The following YEATS2 variants were observed in gnomAD, a reference collection of about 807,000 sequenced individuals.
The protein encoded by YEATS2 is YEATS domain containing 2.
In YEATS2, 77 loss-of-function variants were observed where a neutral mutation model predicts 163.2. The observed-to-expected ratio is 0.47, with a 90% CI of 0.39 to 0.57. The LOEUF is 0.57. Ranked by LOEUF, YEATS2 falls within the 20% of genes least tolerant of loss-of-function variation. YEATS2 has a pLI of 0.00. For synonymous variants in YEATS2, 631 were observed against 645.1 expected, an observed-to-expected ratio of 0.98 and a Z score of 0.33; for missense variants, 1,549 against 1,729.8, an observed-to-expected ratio of 0.90 and a Z score of 1.85.
rs1722577448 is a variant in YEATS2 at position 183,772,505 on chromosome 3, C to T, written c.2148C>T (p.Thr716=). ...GGTIVAQPVQ[T]LTKAQVTAAG... ...CCATTGTTGCTCAGCCAGTGCAGAC[C>T]TTAACCAAGGCCCAGGTTACTGCCG... Residue 716 remains threonine (T), a synonymous_variant, in exon 16 of 31, where the codon ACC becomes ACT. Coordinates refer to ENST00000305135, the MANE Select transcript of YEATS2 (RefSeq NM_018023.5). 6.2e-7 allele frequency: 1 copy of T among 1,614,142 alleles called. No homozygotes were observed.
intron 19 of YEATS2, among the ~76,000 whole-genome samples, chr3:183,780,229 G>A (rs925275703): frequency 4.6e-5 from 7 of 152,100 alleles, no homozygotes; most frequent in Non-Finnish European, 8.8e-5. Context: ...CACCAACACA[G>A]CAAGCACCAC....
chr3:183,789,798 C>T (rs1215140806), intron 20 of YEATS2, among the ~76,000 whole-genome samples: 2 of 152,116 alleles, frequency 1.3e-5, no homozygotes, highest in East Asian at 3.9e-4. Context: ...TTTGGCCTCC[C>T]AAAGTGCTGG....
intron 1 of YEATS2, among the ~76,000 whole-genome samples, chr3:183,712,214 T>TTTATGTTATTTTATG (rs1715314174): frequency 1.9e-5 from 2 of 103,082 alleles, no homozygotes; most frequent in Admixed American, 1.2e-4. Flanking sequence ...TTTATTTTAT[T>TTTATGTTATTTTATG]TTATTTTATT....
At chr3:183,768,103 A>G (rs1290405951) in intron 15 of YEATS2, among the ~76,000 whole-genome samples, 3 of 152,258 alleles carry the variant, frequency 2.0e-5, no homozygotes, top group East Asian at 1.9e-4. Flanking sequence ...AACTACTGCA[A>G]CAGAGAAATC....
Position 183,800,537 on chromosome 3 carries a change from G to C in YEATS2, c.3397G>C (p.Glu1133Gln). Reference protein sequence around the residue: ...QEGQTAVKTEESSELGNYVIK... With the variant: ...QEGQTAVKTEQSSELGNYVIK... ...GGGTCAGACAGCAGTGAAAACAGAA[G>C]AAAGTTCTGAGCTGGGAAACTATGT... Residue 1133 changes from glutamate to glutamine, a missense_variant, in exon 24 of 31, where the codon GAA becomes CAA. Physicochemically the swap from Glu to Gln is conservative, Grantham distance 29. Coordinates refer to ENST00000305135, the MANE Select transcript of YEATS2 (RefSeq NM_018023.5). 1 of 1,614,140 alleles carries C rather than the reference G, an allele frequency of 6.2e-7. No individual in the cohort carries two copies. Among genetic ancestry groups the C allele is most frequent in the East Asian group, 2.2e-5 (1 of 44,872 alleles).
intron 27 of YEATS2, chr3:183,806,286 G>T: frequency 2.2e-6 from 1 of 456,026 alleles, no homozygotes; most frequent in South Asian, 1.5e-5. Flanking sequence ...AAAACAAAAG[G>T]CCAGGAGCTG....
chr3:183,804,282 G>A, intron 27 of YEATS2, 94 bp downstream of exon 27: 7 of 1,467,868 alleles, frequency 4.8e-6, no homozygotes, highest in Non-Finnish European at 6.5e-6. Flanking sequence ...TTGCTGTAGA[G>A]AACGAGAGCC....
Position 183,773,641 on chromosome 3 carries a change from A to C in YEATS2, c.2215A>C (p.Thr739Pro), listed in dbSNP as rs201274382. 6.2e-7 allele frequency: 1 copy of C among 1,604,802 alleles called. No individual in the cohort carries two copies. Among genetic ancestry groups the C allele is most frequent in the Non-Finnish European group, 8.5e-7 (1 of 1,177,150 alleles). ...CTCCTTTACCATTTTAGTAATGGCAACGTTGCAGCTACCAGCCACTAATTT... is the reference window on the plus strand; with the variant it reads ...CTCCTTTACCATTTTAGTAATGGCACCGTTGCAGCTACCAGCCACTAATTT... ...KSGSQGSVMATLQLPATNLAN... is the reference protein window; with the variant it reads ...KSGSQGSVMAPLQLPATNLAN... Residue 739 changes from threonine (T) to proline (P), a missense_variant, in exon 17 of 31, where the codon ACG becomes CCG. By Grantham distance (38) the Thr-to-Pro change is conservative (BLOSUM62 -1). Coordinates refer to ENST00000305135, the MANE Select transcript of YEATS2 (RefSeq NM_018023.5).
rs534964456 is a variant in YEATS2, at chr3:183,721,814, T to G, written c.292-77T>G. On this transcript the variant is annotated intron_variant, in intron 4 of 30. Coordinates refer to ENST00000305135, the MANE Select transcript of YEATS2 (RefSeq NM_018023.5). ...AAGCATGATCCTGTAATAGATAAGG[T>G]TTTGGAGAGATCAGATTTTTGCCTG... 3.1e-5 allele frequency: 49 copies of G among 1,560,520 alleles called. No homozygotes were observed. In the South Asian group the frequency reaches 5.6e-4, roughly 18 times the overall value.
chr3:183,716,035 C>G (rs765114371), intron 2 of YEATS2, among the ~76,000 whole-genome samples: 1 of 152,106 alleles, frequency 6.6e-6, no homozygotes, highest in Non-Finnish European at 1.5e-5. Context: ...TCTCGGCTCA[C>G]TGCAAGCTCT....
intron 12 of YEATS2, among the ~76,000 whole-genome samples, chr3:183,757,476 A>G (rs994421386): frequency 3.3e-5 from 5 of 150,446 alleles, no homozygotes; most frequent in African/African-American, 9.8e-5. Context: ...TTTTTAGTAG[A>G]GATGGGGTTT....
At chr3:183,716,898 TTTTG>T (rs978825308) in intron 2 of YEATS2, among the ~76,000 whole-genome samples, 24 of 152,078 alleles carry the variant, frequency 1.6e-4, no homozygotes, top group African/African-American at 5.3e-4. Flanking sequence ...TGTTATTTTG[TTTTG>T]TTTGTGTCTT....
chr3:183,721,530 A>G lies in YEATS2; in HGVS notation c.292-361A>G, dbSNP rs564600533. Among the ~76,000 whole-genome samples the G allele has an allele frequency of 6.6e-5, 10 of 152,252 alleles. No homozygotes were observed. The East Asian group carries it at 1.9e-3, about 29-fold the overall frequency. ...TATACAGCTTTTTATTTGTATTTTT[A>G]TATTTCTTTCAGGGATATTTTATTT... is the stretch of plus-strand genomic sequence containing the variant. On this transcript the variant is annotated intron_variant, in intron 4 of 30. Coordinates refer to ENST00000305135, the MANE Select transcript of YEATS2 (RefSeq NM_018023.5).
rs1384248257 is a variant in YEATS2, at chr3:183,712,184, G to GTTATTTTATTTTATTTTATT, written c.-19-2958_-19-2957insATTTTATTTTATTTTATTTT. ...GAGTATTTTTGAGTTAGCATTTTAT[G>GTTATTTTATTTTATTTTATT]TTCTTTTATTTTATTTTATTTTATT... On this transcript the variant is annotated intron_variant, in intron 1 of 30. Transcript: ENST00000305135. Among the ~76,000 whole-genome samples, 287 of 121,370 alleles carry GTTATTTTATTTTATTTTATT rather than the reference G, an allele frequency of 2.4e-3. 8 individuals carry two copies. Among genetic ancestry groups the GTTATTTTATTTTATTTTATT allele is most frequent in the African/African-American group, 8.5e-3 (239 of 28,272 alleles). 79.6% of individuals were successfully genotyped at this position (121,370 alleles called of 152,430 possible). A position where few individuals can be genotyped will look rare whatever the true frequency, so the allele number is the denominator to read the frequency against.
chr3:183,711,325 C>T (rs967376788), intron 1 of YEATS2, among the ~76,000 whole-genome samples: 8 of 151,626 alleles, frequency 5.3e-5, no homozygotes, highest in Non-Finnish European at 1.0e-4. Context: ...AAAAAAAAAT[C>T]AGCCGGGCGT....
chr3:183,803,885 C>T (rs1239469484), intron 26 of YEATS2, 102 bp from the exon 27 acceptor site: 47 of 1,230,586 alleles, frequency 3.8e-5, no homozygotes, highest in African/African-American at 1.2e-4. Flanking sequence ...AAAAAAAATT[C>T]TAACAGGTTA....
intron 27 of YEATS2, among the ~76,000 whole-genome samples, chr3:183,804,636 G>A (rs1356153340): frequency 1.3e-5 from 2 of 152,206 alleles, no homozygotes; most frequent in African/African-American, 4.8e-5. Flanking sequence ...CCCAGTGCGG[G>A]AGGCACTTGT....
intron 15 of YEATS2, among the ~76,000 whole-genome samples, chr3:183,763,297 A>G (rs1560285785): frequency 1.3e-5 from 2 of 152,232 alleles, no homozygotes; most frequent in Non-Finnish European, 1.5e-5. Flanking sequence ...TTACTATTGA[A>G]TACTATAGGA....
At chr3:183,770,299 G>A (rs1449760027) in intron 15 of YEATS2, among the ~76,000 whole-genome samples, 4 of 151,886 alleles carry the variant, frequency 2.6e-5, no homozygotes, top group Non-Finnish European at 5.9e-5. Flanking sequence ...CAGGAGAATG[G>A]CATGAACCCG....
Sources: allele counts gnomAD v4.1 joint callset (sites outside exome capture counted in the v4.1 genomes callset), GRCh38; gene constraint gnomAD v4.1.1; transcripts MANE v1.5; gene names NCBI Gene and HGNC (gene_info 2026-07-23, HGNC 2026-07-21).